INSR: variants seen among roughly 807,000 people sequenced by gnomAD.
INSR encodes IR.
INSR carries 67 observed loss-of-function variants against 142.6 expected under a neutral mutation model. The observed-to-expected ratio is 0.47, with a 90% CI of 0.39 to 0.58. INSR has a LOEUF of 0.58. INSR is among the 20% of genes least tolerant of loss of function. The probability of loss-of-function intolerance (pLI) is 0.00; values close to 1 mark genes in which losing one functional copy is unlikely to be tolerated. For synonymous variants in INSR, 756 were observed against 743.1 expected (o/e 1.02, Z -0.28); for missense variants, 1,248 against 1,833.2 (o/e 0.68, Z 5.83).
intron 4 of INSR, among the ~76,000 whole-genome samples, chr19:7,173,375 G>A (rs1974062167): frequency 2.0e-5 from 3 of 152,150 alleles, no homozygotes; most frequent in Admixed American, 2.0e-4. Flanking sequence ...CTGGAGTGCA[G>A]TGGTGTGATC....
chr19:7,197,577 GGTGTGTGTGTGT>G (rs113829911), intron 2 of INSR, among the ~76,000 whole-genome samples: 1 of 56,050 alleles, frequency 1.8e-5, no homozygotes, highest in Middle Eastern at 9.4e-3. Context: ...TGTGTGTTTG[GGTGTGTGTGTGT>G]GTGTGTGTGT....
intron 2 of INSR, among the ~76,000 whole-genome samples, chr19:7,198,103 T>A (rs1974838483): frequency 6.6e-6 from 1 of 151,748 alleles, no homozygotes; most frequent in African/African-American, 2.4e-5. Flanking sequence ...GAGGGAGCCC[T>A]AGGCGCTCAA....
intron 1 of INSR, among the ~76,000 whole-genome samples, chr19:7,272,812 A>G (rs796612577): frequency 4.6e-5 from 7 of 152,180 alleles, no homozygotes; most frequent in African/African-American, 1.7e-4. Flanking sequence ...AAACTCCTGA[A>G]CTCAAGCAAT....
intron 1 of INSR, among the ~76,000 whole-genome samples, chr19:7,272,588 A>C (rs1967956443): frequency 6.6e-6 from 1 of 152,204 alleles, no homozygotes; most frequent in Admixed American, 6.6e-5. Context: ...TTTGCACTCC[A>C]GCCTGGGTGA....
At position 7,294,070 on chromosome 19, in the gene INSR, C is replaced by A. The variant is rs148270035; in HGVS notation, c.-179G>T. 1,478 of 528,062 alleles carry A rather than the reference C, an allele frequency of 2.8e-3. 18 individuals are homozygous for A. The African/African-American group carries it at 0.028, about 10-fold the overall frequency. The allele number at this position is 528,062 out of a possible 1,614,324, so 32.7% of individuals were successfully genotyped here. ...GGCCCAGAGGCAGCCCCGGGAAGGG[C>A]GCGCGCGGCTTCGCCAGCTACAAAT... On this transcript the variant is annotated 5_prime_UTR_variant, in exon 1 of 22. Transcript: ENST00000302850.
At chr19:7,133,937 C>T (rs1275811325) in intron 13 of INSR, among the ~76,000 whole-genome samples, 2 of 151,694 alleles carry the variant, frequency 1.3e-5, no homozygotes, top group East Asian at 3.9e-4. Context: ...GGCAGCAGGC[C>T]ACATTTAGCC....
intron 9 of INSR, among the ~76,000 whole-genome samples, chr19:7,160,624 TAAAAAAGAAGAA>T (rs766745054): frequency 1.6e-4 from 24 of 149,664 alleles, no homozygotes; most frequent in Non-Finnish European, 3.3e-4. Context: ...GACCCCATCT[TAAAAAAGAAGAA>T]GAAAAAGAAA....
intron 2 of INSR, among the ~76,000 whole-genome samples, chr19:7,243,234 GTTTTTTTTTTTT>G (rs1161289283): frequency 2.9e-5 from 2 of 68,178 alleles, no homozygotes; most frequent in Non-Finnish European, 2.5e-5. Context: ...CACTGTTTTG[GTTTTTTTTTTTT>G]TTTTTTTTTT....
intron 13 of INSR, among the ~76,000 whole-genome samples, chr19:7,139,972 C>T (rs115887701): frequency 0.019 from 2,820 of 152,096 alleles, 49 homozygotes; most frequent in African/African-American, 0.044. Context: ...GGATTATAGG[C>T]GCCCACCATT....
At chr19:7,184,264 C>A (rs2860179) in intron 3 of INSR, 52 bp downstream of exon 3, 16 of 1,525,546 alleles carry the variant, frequency 1.0e-5, no homozygotes, top group Non-Finnish European at 1.4e-5. Flanking sequence ...CACAACCAAC[C>A]CCACGTTCCT....
At chr19:7,151,451 T>G (rs899166175) in intron 10 of INSR, among the ~76,000 whole-genome samples, 10 of 151,302 alleles carry the variant, frequency 6.6e-5, no homozygotes, top group African/African-American at 2.4e-4. Flanking sequence ...TATTTTTTTT[T>G]TTTTTTTCCT....
intron 13 of INSR, among the ~76,000 whole-genome samples, chr19:7,135,090 T>TAAAA (rs5826960): frequency 0.055 from 4,272 of 78,298 alleles, 155 homozygotes; most frequent in African/African-American, 0.097. Flanking sequence ...AAAGAAATGT[T>TAAAA]AAAAAAAAAA....
intron 2 of INSR, among the ~76,000 whole-genome samples, chr19:7,252,095 G>A (rs1052017171): frequency 8.6e-5 from 13 of 151,930 alleles, no homozygotes; most frequent in African/African-American, 2.7e-4. Context: ...CCAACATGGC[G>A]AAACCCTGTC....
chr19:7,217,025 G>A (rs1230736072), intron 2 of INSR, among the ~76,000 whole-genome samples: 2 of 146,138 alleles, frequency 1.4e-5, no homozygotes, highest in African/African-American at 5.1e-5. Flanking sequence ...TAGAGATGGG[G>A]TCTTGCTATG....
intron 14 of INSR, among the ~76,000 whole-genome samples, chr19:7,131,044 A>G (rs1489943687): frequency 6.7e-6 from 1 of 150,352 alleles, no homozygotes; most frequent in Non-Finnish European, 1.5e-5. Context: ...ATGCCCAGCT[A>G]ATTTTTGTAT....
rs143808149 is a variant in INSR at position 7,219,792 on chromosome 19, C to A, written c.653-35155G>T. On this transcript the variant is annotated intron_variant, in intron 2 of 21. Transcript: ENST00000302850. ...CAGGTGTCAAATGATGTCATGGGGA[C>A]CCCATCTCTCTCCCTTTCCTTTTCG... is the stretch of plus-strand genomic sequence containing the variant. 1.7e-3 allele frequency among the ~76,000 whole-genome samples: 254 copies of A among 152,294 alleles called. 11 individuals are homozygous for A. In the East Asian group the frequency reaches 0.046, roughly 28 times the overall value.
At position 7,122,671 on chromosome 19, in the gene INSR, G is replaced by A. The variant is rs111993466; in HGVS notation, c.3472C>T (p.Arg1158Trp). The A allele has an allele frequency of 1.2e-6, 2 of 1,614,130 alleles. No individual in the cohort carries two copies. The highest frequency in any genetic ancestry group is 8.5e-7 in the Non-Finnish European group (1 of 1,180,008). The change falls in exon 19 of 22, where the codon CGG becomes TGG. Residue 1158 changes from arginine (R) to tryptophan (W), a missense_variant. This residue lies in a region of INSR where 1,069 missense variants were observed against 1,654.0 expected (regional missense o/e 0.65). Transcript: ENST00000302850. ...ATGCAGTTTCTCGCTGCCAGGTCCC[G>A]ATGCACAAACTTCTTGGCGTTCAGG... ...AYLNAKKFVH[R>W]DLAARNCMVA... is the part of the protein sequence containing the mutation.
chr19:7,122,484 C>CAA, intron 19 of INSR, 130 bp downstream of exon 19: 53 of 837,788 alleles, frequency 6.3e-5, no homozygotes, highest in Non-Finnish European at 7.7e-5. Flanking sequence ...AAAAACCCCA[C>CAA]AAAAAAAAAA....
chr19:7,261,811 G>A (rs923430716), intron 2 of INSR, among the ~76,000 whole-genome samples: 1 of 152,150 alleles, frequency 6.6e-6, no homozygotes, highest in South Asian at 2.1e-4. Context: ...GATTACAGGT[G>A]TGGGGCCTCC....
Sources: allele counts gnomAD v4.1 joint callset (sites outside exome capture counted in the v4.1 genomes callset), GRCh38; gene constraint gnomAD v4.1.1; regional missense constraint gnomAD v4.1.1; transcripts MANE v1.5; gene names NCBI Gene and HGNC (gene_info 2026-07-23, HGNC 2026-07-21).